Variants in EIF4B observed in about 807,000 individuals in gnomAD.
EIF4B encodes eukaryotic translation initiation factor 4B.
Under a neutral mutation model 79.3 loss-of-function variants are expected in EIF4B, and 8 were observed. The observed-to-expected ratio is 0.10, with a 90% confidence interval of 0.06 to 0.18. The LOEUF (loss-of-function observed/expected upper bound fraction) is 0.18. EIF4B is among the 10% of genes least tolerant of loss of function. The pLI is 1.00. For synonymous variants in EIF4B, 238 were observed against 274.7 expected, an observed-to-expected ratio of 0.87 and a Z score of 1.32; for missense variants, 515 against 792.4, an observed-to-expected ratio of 0.65 and a Z score of 4.20.
At chr12:53,006,990 A>AG (rs1942974613) in intron 1 of EIF4B, among the ~76,000 whole-genome samples, 1 of 24,180 alleles carries the variant, frequency 4.1e-5, no homozygotes, top group East Asian at 8.1e-4. Flanking sequence ...GAGTTGGTGG[A>AG]GGGGCGGGGG....
In EIF4B at chr12:53,040,480, A is replaced by G. The variant is rs1361367663; in HGVS notation, c.*257A>G. The G allele has an allele frequency of 2.6e-6, 1 of 379,294 alleles. No individual in the cohort carries two copies. Among genetic ancestry groups the G allele is most frequent in the African/African-American group, 2.1e-5 (1 of 48,620 alleles). The allele number at this position is 379,294 out of a possible 1,614,324, so 23.5% of individuals were successfully genotyped here. A position where few individuals can be genotyped will look rare whatever the true frequency, so the allele number is the denominator to read the frequency against. The stretch of plus-strand genomic sequence containing the variant: ...TTTAGAGGAAAAGTTGTGGTGCGTT[A>G]TGTCACCATGCAGTTGCCAGTGTGA... On this transcript the variant is annotated 3_prime_UTR_variant, in exon 15 of 15. Transcript: ENST00000262056.
At chr12:53,009,161 C>T (rs986186753) in intron 1 of EIF4B, among the ~76,000 whole-genome samples, 6 of 152,160 alleles carry the variant, frequency 3.9e-5, no homozygotes, top group Non-Finnish European at 8.8e-5. Context: ...GGAAAGTGGT[C>T]ATTATTTATC....
chr12:53,019,314 G>T (rs1037251185), intron 3 of EIF4B, among the ~76,000 whole-genome samples: 13 of 152,000 alleles, frequency 8.6e-5, no homozygotes, highest in South Asian at 2.1e-4. Flanking sequence ...TAGGAGAATT[G>T]CTTGAACCTG....
chr12:53,030,317 C>G (rs966926800), intron 8 of EIF4B, among the ~76,000 whole-genome samples: 2 of 146,430 alleles, frequency 1.4e-5, no homozygotes, highest in African/African-American at 5.0e-5. Flanking sequence ...GAGGTCAAGG[C>G]TGCAGTTAGC....
chr12:53,038,148 C>T, intron 11 of EIF4B: 1 of 418,200 alleles, frequency 2.4e-6, no homozygotes, highest in East Asian at 4.2e-5. Context: ...ACTAATCCTG[C>T]ATGATGTGAT....
intron 1 of EIF4B, among the ~76,000 whole-genome samples, chr12:53,010,502 A>G (rs950161810): frequency 6.6e-6 from 1 of 152,224 alleles, no homozygotes; most frequent in African/African-American, 2.4e-5. Context: ...ATTACATTGC[A>G]TGAAATGTCT....
chr12:53,014,142 A>T (rs1471184567), intron 1 of EIF4B, among the ~76,000 whole-genome samples: 1 of 151,938 alleles, frequency 6.6e-6, no homozygotes, highest in African/African-American at 2.4e-5. Context: ...AAGAAAAAAG[A>T]AAAAGCAGGC....
At chr12:53,034,089 C>A in intron 9 of EIF4B, 55 bp downstream of exon 9, 1 of 1,502,210 alleles carries the variant, frequency 6.7e-7, no homozygotes. Context: ...GTAATGGGGG[C>A]ATTACATCCC....
At chr12:53,039,957 T>G (rs1000852346) in intron 14 of EIF4B, 186 bp from the exon 15 acceptor site, 1 of 720,270 alleles carries the variant, frequency 1.4e-6, no homozygotes. Context: ...TATGAGACTA[T>G]AGTAAGATCG....
chr12:53,026,833 G>A (rs574709508), intron 6 of EIF4B, among the ~76,000 whole-genome samples: 1 of 152,182 alleles, frequency 6.6e-6, no homozygotes, highest in East Asian at 1.9e-4. Flanking sequence ...AAACCCCTGA[G>A]CTCAGGCAAT....
chr12:53,033,399 G>A (rs1943483103), intron 8 of EIF4B, among the ~76,000 whole-genome samples: 1 of 144,326 alleles, frequency 6.9e-6, no homozygotes, highest in African/African-American at 2.5e-5. Flanking sequence ...CTGAAGTGCA[G>A]TAGCTCGATC....
At chr12:53,008,823 T>C (rs1301075019) in intron 1 of EIF4B, among the ~76,000 whole-genome samples, 1 of 151,476 alleles carries the variant, frequency 6.6e-6, no homozygotes, top group Non-Finnish European at 1.5e-5. Context: ...GATCACTAGG[T>C]CAGGAGTTGG....
chr12:53,011,208 A>AG (rs1300487033), intron 1 of EIF4B, among the ~76,000 whole-genome samples: 1 of 152,160 alleles, frequency 6.6e-6, no homozygotes, highest in African/African-American at 2.4e-5. Flanking sequence ...TCAAGGCTGC[A>AG]GTGAGCCATT....
intron 3 of EIF4B, among the ~76,000 whole-genome samples, chr12:53,019,276 G>T (rs1290543268): frequency 6.6e-6 from 1 of 151,914 alleles, no homozygotes; most frequent in Non-Finnish European, 1.5e-5. Flanking sequence ...GTACACGTCT[G>T]TAATCCCAGC....
intron 6 of EIF4B, 34 bp downstream of exon 6, chr12:53,022,661 T>TACTAAATAGCCTCCCCCAAATA: frequency 6.2e-7 from 1 of 1,603,928 alleles, no homozygotes; most frequent in Middle Eastern, 1.7e-4. Flanking sequence ...GCTTCCTCTG[T>TACTAAATAGCCTCCCCCAAATA]GCTTTGGGAG....
Position 53,025,355 on chromosome 12 carries a change from CTGT to C in EIF4B, c.668-2422_668-2420del, listed in dbSNP as rs1943316447. 7 of 412,124 alleles carry C rather than the reference CTGT, an allele frequency of 1.7e-5. No individual in the cohort carries two copies. The Admixed American group carries it at 2.0e-4, about 12-fold the overall frequency. The allele number at this position is 412,124 out of a possible 1,614,324, so 25.5% of individuals were successfully genotyped here. A position where few individuals can be genotyped will look rare whatever the true frequency, so the allele number is the denominator to read the frequency against. On this transcript the variant is annotated intron_variant, in intron 6 of 14. Transcript: ENST00000262056. Reference sequence around the variant, plus strand: ...GCAGAATGGATAACGAGTGAGTGTGCTGTTGTTATCCAAAGCTGCCCCAAAGTC... The same window carrying C: ...GCAGAATGGATAACGAGTGAGTGTGCTGTTATCCAAAGCTGCCCCAAAGTC...
At position 53,041,503 on chromosome 12, in the gene EIF4B, G is replaced by GTTA. The variant is rs1943637763; in HGVS notation, c.*1282_*1283insATT. On this transcript the variant is annotated 3_prime_UTR_variant, in exon 15 of 15. Transcript: ENST00000262056. ...GGTGGCCAGACCAATGTGTTGTTTTGTTGTTGTTTTTTTAAGCTTCCCTTG... is the reference window on the plus strand; with the variant it reads ...GGTGGCCAGACCAATGTGTTGTTTTGTTATTGTTGTTTTTTTAAGCTTCCCTTG... 1.8e-5 allele frequency: 1 copy of GTTA among 55,688 alleles called. No homozygotes were observed. Among genetic ancestry groups the GTTA allele is most frequent in the African/African-American group, 3.5e-5 (1 of 28,186 alleles). 3.4% of individuals were successfully genotyped at this position (55,688 alleles called of 1,614,324 possible).
In EIF4B at chr12:53,021,796, A is replaced by G. The variant is rs1351354613; in HGVS notation, c.478-10A>G. On this transcript the variant is annotated splice_polypyrimidine_tract_variant and intron_variant, in intron 4 of 14. Coordinates refer to ENST00000262056, the MANE Select transcript of EIF4B (RefSeq NM_001417.7). The stretch of plus-strand genomic sequence containing the variant: ...GCAAAAGGTTGGTTAATATGGTCCT[A>G]TGCTCTCAGTCTCTAGGTAACAGGA... 6 of 1,614,190 alleles carry G rather than the reference A, an allele frequency of 3.7e-6. 1 individual carries two copies. The highest frequency in any genetic ancestry group is 3.3e-5 in the South Asian group (3 of 91,090).
chr12:53,012,118 G>A (rs1392657136), intron 1 of EIF4B: 1 of 152,112 alleles, frequency 6.6e-6, no homozygotes, highest in African/African-American at 2.4e-5. Context: ...AACAAACACG[G>A]GCACCTACTT....
Sources: allele counts gnomAD v4.1 joint callset (sites outside exome capture counted in the v4.1 genomes callset), GRCh38; gene constraint gnomAD v4.1.1; transcripts MANE v1.5; gene names NCBI Gene and HGNC (gene_info 2026-07-23, HGNC 2026-07-21).